MEGF10: variants seen among roughly 807,000 people sequenced by gnomAD.
MEGF10 encodes multiple EGF like domains 10.
In MEGF10, 86 loss-of-function variants were observed where a neutral mutation model predicts 147.5. That is an observed-to-expected ratio of 0.58 (90% CI 0.49 to 0.70). MEGF10 has a LOEUF of 0.70. Ranked by LOEUF, MEGF10 falls within the 30% of genes least tolerant of loss-of-function variation. MEGF10 has a pLI of 0.00. For missense variants in MEGF10, 1,329 were observed against 1,487.3 expected (o/e 0.89, Z 1.75); for synonymous variants, 478 against 525.5 (o/e 0.91, Z 1.24).
At chr5:127,392,959 G>T (rs866257147) in intron 5 of MEGF10, among the ~76,000 whole-genome samples, 1 of 152,196 alleles carries the variant, frequency 6.6e-6, no homozygotes, top group Non-Finnish European at 1.5e-5. Flanking sequence ...CCCATTTCCG[G>T]CGGTTAGTGC....
intron 4 of MEGF10, among the ~76,000 whole-genome samples, chr5:127,351,857 G>A (rs1762101001): frequency 6.6e-6 from 1 of 152,164 alleles, no homozygotes; most frequent in Non-Finnish European, 1.5e-5. Context: ...AAAGTGCAAT[G>A]GGACATCATT....
At chr5:127,234,367 T>G in the MEGF10 span, among the ~76,000 whole-genome samples, 3 of 152,314 alleles carry the variant, frequency 2.0e-5, no homozygotes, top group African/African-American at 7.2e-5. Context: ...GGAAATAAAG[T>G]TTTCAGCTAG....
intron 1 of MEGF10, among the ~76,000 whole-genome samples, chr5:127,309,202 G>A (rs1760150188): frequency 6.6e-6 from 1 of 152,196 alleles, no homozygotes; most frequent in African/African-American, 2.4e-5. Context: ...AAGTAAACAA[G>A]GAGTTCTCAC....
intron 1 of MEGF10, among the ~76,000 whole-genome samples, chr5:127,295,314 C>T (rs1210265548): frequency 6.6e-6 from 1 of 152,176 alleles, no homozygotes; most frequent in Non-Finnish European, 1.5e-5. Flanking sequence ...TTTCTTTAAA[C>T]TTTACACAAT....
the MEGF10 span, among the ~76,000 whole-genome samples, chr5:127,273,759 C>T: frequency 6.6e-6 from 1 of 152,142 alleles, no homozygotes; most frequent in South Asian, 2.1e-4. Context: ...TGATAGCATG[C>T]TTTTCGTAAA....
chr5:127,363,499 C>T (rs747396393), intron 4 of MEGF10, among the ~76,000 whole-genome samples: 7 of 152,082 alleles, frequency 4.6e-5, no homozygotes, highest in Non-Finnish European at 7.4e-5. Flanking sequence ...GAAGGGGAGT[C>T]GCACTTACCA....
chr5:127,237,329 C>T, the MEGF10 span, among the ~76,000 whole-genome samples: 30 of 152,050 alleles, frequency 2.0e-4, no homozygotes, highest in Admixed American at 5.9e-4. Flanking sequence ...CCTGTCTATA[C>T]GAAAAATACA....
At chr5:127,425,014 A>C (rs1309787983) in intron 13 of MEGF10, among the ~76,000 whole-genome samples, 1 of 152,190 alleles carries the variant, frequency 6.6e-6, no homozygotes, top group Non-Finnish European at 1.5e-5. Flanking sequence ...CACCAAATCT[A>C]CTTCTGTCTT....
intron 5 of MEGF10, among the ~76,000 whole-genome samples, chr5:127,383,849 G>A (rs10519935): frequency 0.011 from 1,712 of 152,256 alleles, 21 homozygotes; most frequent in East Asian, 0.046. Flanking sequence ...TAGTCCCATC[G>A]TTTAAATTTT....
the MEGF10 span, among the ~76,000 whole-genome samples, chr5:127,279,678 A>G: frequency 2.0e-5 from 3 of 152,144 alleles, no homozygotes; most frequent in African/African-American, 7.2e-5. Context: ...TTGAAAGACA[A>G]TACTCTGTGT....
At chr5:127,411,356 C>T (rs1299359882) in intron 9 of MEGF10, among the ~76,000 whole-genome samples, 2 of 152,162 alleles carry the variant, frequency 1.3e-5, no homozygotes, top group Non-Finnish European at 2.9e-5. Context: ...AAATGTAGTG[C>T]GTTATATAGC....
intron 4 of MEGF10, among the ~76,000 whole-genome samples, chr5:127,355,129 C>T (rs538791249): frequency 6.6e-6 from 1 of 152,184 alleles, no homozygotes; most frequent in African/African-American, 2.4e-5. Context: ...GAAGAGTTAG[C>T]CTTCGGCAGA....
At chr5:127,387,759 T>A (rs1003739584) in intron 5 of MEGF10, among the ~76,000 whole-genome samples, 3 of 152,238 alleles carry the variant, frequency 2.0e-5, no homozygotes, top group Non-Finnish European at 4.4e-5. Context: ...ATTGAGTTAT[T>A]GTGAGGTTTA....
At chr5:127,394,406 G>T (rs925499555) in intron 5 of MEGF10, among the ~76,000 whole-genome samples, 1 of 152,118 alleles carries the variant, frequency 6.6e-6, no homozygotes, top group Non-Finnish European at 1.5e-5. Context: ...TTACTATATT[G>T]TGAAAAAGTC....
chr5:127,232,833 C>T, the MEGF10 span, among the ~76,000 whole-genome samples: 2 of 151,764 alleles, frequency 1.3e-5, no homozygotes, highest in African/African-American at 4.8e-5. Flanking sequence ...GAAAGCATTG[C>T]GATTGTAGGA....
Position 127,422,789 on chromosome 5 carries a change from G to A in MEGF10, c.1693+17G>A, listed in dbSNP as rs375660147. ...GATGGTCAGGTGAGAGCCAAGGACC[G>A]CTAATTGAAAGGTGAAACCCGCCAA... On this transcript the variant is annotated intron_variant, in intron 13 of 24. Coordinates refer to ENST00000503335, the MANE Select transcript of MEGF10 (RefSeq NM_001256545.2). 5.5e-5 allele frequency: 88 copies of A among 1,600,618 alleles called. No individual in the cohort carries two copies. The highest frequency in any genetic ancestry group is 8.0e-5 in the African/African-American group (6 of 74,602).
the MEGF10 span, among the ~76,000 whole-genome samples, chr5:127,272,870 G>A: frequency 6.6e-6 from 1 of 152,220 alleles, no homozygotes; most frequent in Non-Finnish European, 1.5e-5. Context: ...CATGTCATCT[G>A]CAAACGGAGA....
At chr5:127,437,767 C>G (rs1186840630) in intron 16 of MEGF10, among the ~76,000 whole-genome samples, 1 of 152,086 alleles carries the variant, frequency 6.6e-6, no homozygotes, top group East Asian at 1.9e-4. Flanking sequence ...CTGGGAACCT[C>G]AATATTTAAA....
At chr5:127,455,051 G>A (rs1766306820) in intron 23 of MEGF10, among the ~76,000 whole-genome samples, 1 of 152,106 alleles carries the variant, frequency 6.6e-6, no homozygotes, top group Non-Finnish European at 1.5e-5. Flanking sequence ...CATGATAATA[G>A]AGCCCTCTTG....
Sources: gnomAD v4.1 joint callset for allele counts (sites outside exome capture counted in the v4.1 genomes callset) on GRCh38, gnomAD v4.1.1 for gene constraint, MANE v1.5 for transcripts, NCBI Gene and HGNC (gene_info 2026-07-23, HGNC 2026-07-21) for gene names.